PREP: variants seen among roughly 807,000 people sequenced by gnomAD.
PREP encodes the protein prolyl endopeptidase, also known as dJ355L5.1 (prolyl endopeptidase).
Under a neutral mutation model 87.6 loss-of-function variants are expected in PREP, and 29 were observed. The ratio of observed to expected loss-of-function variants is 0.33; its 90% CI spans 0.25 to 0.45. The LOEUF is 0.45. Among genes scored for constraint, PREP ranks in the 20% least tolerant of loss-of-function variants. The pLI is 1.00. For synonymous variants in PREP, 337 were observed against 328.6 expected, an observed-to-expected ratio of 1.03 and a Z score of -0.28; for missense variants, 695 against 886.5, an observed-to-expected ratio of 0.78 and a Z score of 2.74.
intron 14 of PREP, among the ~76,000 whole-genome samples, chr6:105,279,505 A>G (rs1770026049): frequency 6.6e-6 from 1 of 152,358 alleles, no homozygotes; most frequent in Admixed American, 6.5e-5. Flanking sequence ...ATATTTATAC[A>G]TTATCTGTAG....
intron 10 of PREP, chr6:105,302,793 C>T (rs917544582): frequency 2.0e-5 from 9 of 459,730 alleles, no homozygotes; most frequent in African/African-American, 1.6e-4. Context: ...TTCTCCTTCC[C>T]GTGAAGGTCC....
intron 10 of PREP, among the ~76,000 whole-genome samples, chr6:105,315,628 T>G (rs1340756023): frequency 6.6e-6 from 1 of 152,228 alleles, no homozygotes; most frequent in East Asian, 1.9e-4. Flanking sequence ...CCAGGCAGAC[T>G]TCTCTTTAGC....
chr6:105,337,441 A>G (rs2114664006), intron 7 of PREP, among the ~76,000 whole-genome samples: 1 of 152,282 alleles, frequency 6.6e-6, no homozygotes, highest in East Asian at 1.9e-4. Flanking sequence ...ATGTTTTAGG[A>G]GAATTCACAT....
intron 6 of PREP, among the ~76,000 whole-genome samples, chr6:105,361,625 G>A (rs189061708): frequency 3.3e-5 from 5 of 152,278 alleles, no homozygotes; most frequent in African/African-American, 9.6e-5. Flanking sequence ...TGAACAAAAG[G>A]AGTGAAAATG....
chr6:105,347,176 A>C (rs538117910), intron 7 of PREP, among the ~76,000 whole-genome samples: 11 of 152,348 alleles, frequency 7.2e-5, no homozygotes, highest in African/African-American at 2.6e-4. Context: ...AAAATGAAAA[A>C]AAGAAAGAAA....
chr6:105,400,058 C>T (rs1226965100), intron 1 of PREP, among the ~76,000 whole-genome samples: 1 of 152,184 alleles, frequency 6.6e-6, no homozygotes, highest in African/African-American at 2.4e-5. Context: ...GGACAAGAAA[C>T]ATTCTCTCCA....
chr6:105,357,486 C>T (rs1772129570), intron 6 of PREP, among the ~76,000 whole-genome samples: 1 of 152,176 alleles, frequency 6.6e-6, no homozygotes, highest in Non-Finnish European at 1.5e-5. Context: ...CCAATTAAGT[C>T]AGTCCTCTTC....
intron 7 of PREP, among the ~76,000 whole-genome samples, chr6:105,342,862 C>T (rs1562207951): frequency 6.6e-6 from 1 of 152,142 alleles, no homozygotes; most frequent in Non-Finnish European, 1.5e-5. Flanking sequence ...AACCACTGCT[C>T]AACGAAATAA....
intron 10 of PREP, among the ~76,000 whole-genome samples, chr6:105,321,962 T>C (rs534711678): frequency 6.6e-6 from 1 of 152,214 alleles, no homozygotes; most frequent in East Asian, 1.9e-4. Flanking sequence ...TGGGTGTCCC[T>C]GACATTCCTG....
At chr6:105,279,638 G>A (rs112881866) in intron 14 of PREP, among the ~76,000 whole-genome samples, 8 of 152,302 alleles carry the variant, frequency 5.3e-5, no homozygotes, top group African/African-American at 1.4e-4. Context: ...CCCAGGGGGC[G>A]GGGAGGTGTG....
intron 2 of PREP, among the ~76,000 whole-genome samples, chr6:105,381,838 G>A (rs1772846738): frequency 7.0e-6 from 1 of 143,104 alleles, no homozygotes; most frequent in Admixed American, 6.6e-5. Flanking sequence ...ATACTATATT[G>A]TGCACAGAAA....
chr6:105,290,189 G>A (rs1770272620), intron 10 of PREP, among the ~76,000 whole-genome samples: 2 of 152,182 alleles, frequency 1.3e-5, no homozygotes, highest in Non-Finnish European at 2.9e-5. Context: ...TTTATTTAAA[G>A]TTATTTAGTG....
intron 10 of PREP, among the ~76,000 whole-genome samples, chr6:105,319,811 C>G (rs577280983): frequency 6.6e-6 from 1 of 152,172 alleles, no homozygotes; most frequent in East Asian, 1.9e-4. Context: ...CAGCACTGAC[C>G]GAAGCCTGTG....
At chr6:105,322,871 C>A (rs1033186337) in intron 10 of PREP, 19 of 1,174,788 alleles carry the variant, frequency 1.6e-5, no homozygotes, top group Non-Finnish European at 1.9e-5. Flanking sequence ...TATAATAATG[C>A]CCTAGTTTCA....
At chr6:105,320,294 A>G (rs184852293) in intron 10 of PREP, among the ~76,000 whole-genome samples, 2 of 152,336 alleles carry the variant, frequency 1.3e-5, no homozygotes, top group African/African-American at 4.8e-5. Flanking sequence ...CAGTGTTTCT[A>G]GGATCAGATT....
chr6:105,353,861 C>T (rs1337011064), intron 6 of PREP, among the ~76,000 whole-genome samples: 1 of 151,324 alleles, frequency 6.6e-6, no homozygotes, highest in African/African-American at 2.4e-5. Flanking sequence ...CAAGTTTCTA[C>T]TGAACAACTG....
chr6:105,341,206 T>C (rs1233193117), intron 7 of PREP, among the ~76,000 whole-genome samples: 83 of 152,094 alleles, frequency 5.5e-4, no homozygotes, highest in Admixed American at 5.4e-3. Flanking sequence ...CAAAGTGAAA[T>C]CAAATTAGAG....
chr6:105,327,808 C>G (rs535046508), intron 9 of PREP, among the ~76,000 whole-genome samples: 1 of 152,306 alleles, frequency 6.6e-6, no homozygotes, highest in South Asian at 2.1e-4. Context: ...AGGACAGGGT[C>G]TGCCTGGTCA....
chr6:105,390,705 A>G (rs1773118430), intron 2 of PREP, among the ~76,000 whole-genome samples: 1 of 152,260 alleles, frequency 6.6e-6, no homozygotes, highest in Admixed American at 6.5e-5. Context: ...GATTACAAGA[A>G]TATTACTTCT....
Sources: allele counts gnomAD v4.1 joint callset (sites outside exome capture counted in the v4.1 genomes callset), GRCh38; gene constraint gnomAD v4.1.1; transcripts MANE v1.5; gene names NCBI Gene and HGNC (gene_info 2026-07-23, HGNC 2026-07-21).